The following SMS variants were observed in gnomAD, a reference collection of about 807,000 sequenced individuals.
SMS encodes spermine synthase.
In SMS, 3 loss-of-function variants were observed where a neutral mutation model predicts 33.0. The observed-to-expected ratio is 0.09, with a 90% CI of 0.04 to 0.23. SMS has a LOEUF of 0.23. Among genes scored for constraint, SMS ranks in the 10% least tolerant of loss-of-function variants. The pLI is 1.00. For missense variants in SMS, 117 were observed against 288.6 expected (o/e 0.41, Z 4.31); for synonymous variants, 103 against 112.2 (o/e 0.92, Z 0.52).
intron 1 of SMS, among the ~76,000 whole-genome samples, chrX:21,951,864 AT>A (rs1275557895): frequency 2.7e-5 from 3 of 110,745 alleles, no homozygotes; most frequent in African/African-American, 6.6e-5. Context: ...TGGTTTGTGC[AT>A]TTGTCTTTTT....
At chrX:21,943,930 G>A (rs1212241985) in intron 1 of SMS, among the ~76,000 whole-genome samples, 1 of 111,717 alleles carries the variant, frequency 9.0e-6, no homozygotes, top group Admixed American at 9.5e-5. Context: ...GTGAATATTG[G>A]ATGTGACTCA....
At chrX:21,977,827 T>G (rs1924632167) in intron 5 of SMS, 133 bp from the exon 6 acceptor site, 1 of 650,181 alleles carries the variant, frequency 1.5e-6, no homozygotes, top group Admixed American at 2.4e-5. Context: ...AGCTTGCAAA[T>G]TGTTCACAGT....
rs989796976 is a variant in SMS at position 21,942,974 on chromosome X, G to A, written c.49+2101G>A. On this transcript the variant is annotated intron_variant, in intron 1 of 10. Transcript: ENST00000404933. Reference sequence around the variant, plus strand: ...TGTGTCTCAGCCTACCAAGTAGCCGGGATTACAGACTCGAGCCACCACGCC... The same window carrying A: ...TGTGTCTCAGCCTACCAAGTAGCCGAGATTACAGACTCGAGCCACCACGCC... Among the ~76,000 whole-genome samples the A allele has an allele frequency of 8.2e-5, 9 of 109,135 alleles. No individual in the cohort carries two copies. The Admixed American group carries it at 8.8e-4, about 11-fold the overall frequency. 94.8% of individuals were successfully genotyped at this position (109,135 alleles called of 115,157 possible).
At chrX:21,953,043 A>C (rs764415325) in intron 1 of SMS, among the ~76,000 whole-genome samples, 4 of 109,610 alleles carry the variant, frequency 3.6e-5, no homozygotes, top group African/African-American at 1.3e-4. Context: ...GATTACAGAC[A>C]TGAGCCACCA....
At chrX:21,972,637 G>A (rs747422871) in intron 4 of SMS, 66 bp downstream of exon 4, 83 of 769,994 alleles carry the variant, frequency 1.1e-4, no homozygotes, top group South Asian at 2.4e-4. Flanking sequence ...GGCTGGGCGC[G>A]GTAGCTCACA....
chrX:21,971,160 C>T (rs1341664507), intron 2 of SMS, among the ~76,000 whole-genome samples: 1 of 109,488 alleles, frequency 9.1e-6, no homozygotes, highest in African/African-American at 3.3e-5. Flanking sequence ...CATGTCACTG[C>T]ACTCCAGCCT....
chrX:21,986,113 C>T (rs1190088682), intron 9 of SMS, among the ~76,000 whole-genome samples: 1 of 109,984 alleles, frequency 9.1e-6, no homozygotes, highest in Non-Finnish European at 1.9e-5. Flanking sequence ...CTTTGGGAGG[C>T]CGAGGCAGTT....
chrX:21,985,038 C>G, intron 8 of SMS, 106 bp from the exon 9 acceptor site: 1 of 532,157 alleles, frequency 1.9e-6, no homozygotes, highest in Non-Finnish European at 3.4e-6. Context: ...ACTCGTGGCT[C>G]TTTTTCTTTT....
intron 1 of SMS, among the ~76,000 whole-genome samples, chrX:21,950,095 G>T (rs1922500701): frequency 8.9e-6 from 1 of 111,810 alleles, no homozygotes; most frequent in Non-Finnish European, 1.9e-5. Context: ...CAAAGATGGG[G>T]TCTTGCTGTG....
chrX:21,985,348 C>A (rs780345395), intron 9 of SMS, 125 bp downstream of exon 9: 4 of 470,603 alleles, frequency 8.5e-6, no homozygotes, highest in Admixed American at 2.8e-5. Context: ...TATGTTCTTT[C>A]AAACAGTAAG....
intron 9 of SMS, among the ~76,000 whole-genome samples, chrX:21,989,471 A>G (rs1925609901): frequency 8.9e-6 from 1 of 111,908 alleles, no homozygotes; most frequent in Non-Finnish European, 1.9e-5. Context: ...AACTCCCTCC[A>G]CTTAAGAGAG....
chrX:21,946,074 AGT>A (rs1922208060), intron 1 of SMS, among the ~76,000 whole-genome samples: 1 of 92,253 alleles, frequency 1.1e-5, no homozygotes, highest in Non-Finnish European at 2.2e-5. Context: ...TGTAGTTGAC[AGT>A]GTGTGATTTT....
rs186337355 is a variant in SMS, at chrX:21,947,745, G to T, written c.49+6872G>T. The stretch of plus-strand genomic sequence containing the variant: ...GGGTCCCTATTACCCCATGGATGAA[G>T]TCTAAACTCTGTATCAACACATACA... On this transcript the variant is annotated intron_variant, in intron 1 of 10. Coordinates refer to ENST00000404933, the MANE Select transcript of SMS (RefSeq NM_004595.5). 3.5e-4 allele frequency among the ~76,000 whole-genome samples: 39 copies of T among 111,508 alleles called. 1 individual carries two copies. In the East Asian group the frequency reaches 0.011, roughly 31 times the overall value.
At position 21,940,883 on chromosome X, in the gene SMS, C is replaced by T; in HGVS notation, c.49+10C>T. 2 of 1,070,775 alleles carry T rather than the reference C, an allele frequency of 1.9e-6. No individual in the cohort carries two copies. Among genetic ancestry groups the T allele is most frequent in the South Asian group, 2.1e-5 (1 of 47,270 alleles). 88.2% of individuals were successfully genotyped at this position (1,070,775 alleles called of 1,213,427 possible). A position where few individuals can be genotyped will look rare whatever the true frequency, so the allele number is the denominator to read the frequency against. ...ATGCTCGGCGCCAAAGGTGAGGGCG[C>T]CCGCCGCCACCTGCGTGGCCATCCC... On this transcript the variant is annotated intron_variant, in intron 1 of 10. Coordinates refer to ENST00000404933, the MANE Select transcript of SMS (RefSeq NM_004595.5).
chrX:21,991,766 G>C (rs761026711), intron 9 of SMS, among the ~76,000 whole-genome samples: 12 of 112,159 alleles, frequency 1.1e-4, no homozygotes, highest in Non-Finnish European at 1.7e-4. Context: ...CAGCAGCTCT[G>C]CTATACCTTG....
intron 4 of SMS, among the ~76,000 whole-genome samples, chrX:21,976,420 G>C (rs1924534407): frequency 1.8e-5 from 2 of 111,245 alleles, no homozygotes. Context: ...TTCCCGATGT[G>C]ATGCCTGTGT....
intron 1 of SMS, among the ~76,000 whole-genome samples, chrX:21,945,634 T>TCCCCCCCCCCCCCC (rs376720187): frequency 6.4e-4 from 22 of 34,124 alleles, no homozygotes; most frequent in Admixed American, 1.3e-3. Flanking sequence ...TTGCTTCCCG[T>TCCCCCCCCCCCCCC]CCCCCCCCCC....
chrX:21,946,267 C>G (rs1257034127), intron 1 of SMS, among the ~76,000 whole-genome samples: 1 of 111,932 alleles, frequency 8.9e-6, no homozygotes, highest in Non-Finnish European at 1.9e-5. Context: ...CAGCCCGTTC[C>G]TTTTAGGGGG....
At chrX:21,970,298 C>T (rs187358284) in intron 2 of SMS, among the ~76,000 whole-genome samples, 1 of 110,568 alleles carries the variant, frequency 9.0e-6, no homozygotes, top group Admixed American at 9.6e-5. Context: ...CACACTTTCC[C>T]CCCTCTATTT....
Sources: gnomAD v4.1 joint callset for allele counts (sites outside exome capture counted in the v4.1 genomes callset) on GRCh38, gnomAD v4.1.1 for gene constraint, MANE v1.5 for transcripts, NCBI Gene and HGNC (gene_info 2026-07-23, HGNC 2026-07-21) for gene names.